The following EPC2 variants were observed in gnomAD, a reference collection of about 807,000 sequenced individuals.
The protein encoded by EPC2 is enhancer of polycomb 2, also known as enhancer of polycomb homolog 2.
EPC2 carries 14 observed loss-of-function variants against 92.1 expected under a neutral mutation model. The ratio of observed to expected loss-of-function variants is 0.15; its 90% CI spans 0.10 to 0.24. The LOEUF (loss-of-function observed/expected upper bound fraction) is 0.24. Ranked by LOEUF, EPC2 falls within the 10% of genes least tolerant of loss-of-function variation. EPC2 has a pLI of 1.00. For synonymous variants in EPC2, 340 were observed against 334.7 expected (o/e 1.02, Z -0.17); for missense variants, 755 against 971.5 (o/e 0.78, Z 2.96).
chr2:148,734,201 T>C (rs1405743846), intron 2 of EPC2, among the ~76,000 whole-genome samples: 2 of 152,194 alleles, frequency 1.3e-5, no homozygotes, highest in Non-Finnish European at 2.9e-5. Context: ...TTTTTTTTTC[T>C]ATGAATTAAT....
chr2:148,705,844 G>C lies in EPC2; in HGVS notation c.313+15471G>C, dbSNP rs908573935. On this transcript the variant is annotated intron_variant, in intron 2 of 13. Transcript: ENST00000258484. ...CATCCACACCAAAACCTCATCTGTA[G>C]GTCACCATCATCAAAGACCAAAGGT... Among the ~76,000 whole-genome samples the C allele has an allele frequency of 7.9e-5, 12 of 152,206 alleles. No individual in the cohort carries two copies. The South Asian group carries it at 1.2e-3, about 16-fold the overall frequency.
At chr2:148,786,109 A>T (rs554763436) in intron 13 of EPC2, among the ~76,000 whole-genome samples, 196 bp from the exon 14 acceptor site, 1 of 152,360 alleles carries the variant, frequency 6.6e-6, no homozygotes, top group South Asian at 2.1e-4. Context: ...TAATAAAAAA[A>T]TTAGGAATTA....
chr2:148,775,076 G>A (rs1473505320), intron 10 of EPC2, among the ~76,000 whole-genome samples: 3 of 132,646 alleles, frequency 2.3e-5, no homozygotes, highest in South Asian at 5.2e-4. Flanking sequence ...GCAGCAGAGC[G>A]AGACTCCCTC....
intron 4 of EPC2, among the ~76,000 whole-genome samples, chr2:148,760,635 TGAA>T (rs1417212415): frequency 6.6e-6 from 1 of 152,178 alleles, no homozygotes; most frequent in Non-Finnish European, 1.5e-5. Context: ...GTCATAGTAA[TGAA>T]GAAGAAAAAG....
At chr2:148,678,256 C>A (rs955556202) in intron 1 of EPC2, among the ~76,000 whole-genome samples, 1 of 152,162 alleles carries the variant, frequency 6.6e-6, no homozygotes, top group African/African-American at 2.4e-5. Flanking sequence ...ATACAGAGTG[C>A]CGATTGGTGT....
At chr2:148,696,966 A>T (rs1681760086) in intron 2 of EPC2, among the ~76,000 whole-genome samples, 1 of 152,260 alleles carries the variant, frequency 6.6e-6, no homozygotes, top group African/African-American at 2.4e-5. Context: ...AGTTATGGGT[A>T]AAAGATAGTA....
At chr2:148,780,446 A>C (rs1490223981) in intron 10 of EPC2, among the ~76,000 whole-genome samples, 1 of 152,168 alleles carries the variant, frequency 6.6e-6, no homozygotes, top group Non-Finnish European at 1.5e-5. Flanking sequence ...GATCCTATTC[A>C]ACAGAAAACT....
intron 1 of EPC2, among the ~76,000 whole-genome samples, chr2:148,674,640 AG>A (rs1485297248): frequency 6.6e-6 from 1 of 152,198 alleles, no homozygotes; most frequent in Non-Finnish European, 1.5e-5. Flanking sequence ...TGTTGGACAT[AG>A]GTTTCACTCT....
intron 8 of EPC2, 28 bp downstream of exon 8, chr2:148,769,268 T>G (rs756725337): frequency 6.6e-7 from 1 of 1,517,080 alleles, no homozygotes; most frequent in Non-Finnish European, 9.1e-7. Flanking sequence ...TGTGTGGTGT[T>G]TTTGTGAACT....
intron 1 of EPC2, among the ~76,000 whole-genome samples, chr2:148,680,209 T>C (rs1215409958): frequency 1.3e-5 from 2 of 152,000 alleles, no homozygotes; most frequent in Non-Finnish European, 2.9e-5. Context: ...TAAAAGTCAA[T>C]AGTTTAGATT....
intron 1 of EPC2, among the ~76,000 whole-genome samples, chr2:148,650,705 A>G (rs1236044236): frequency 1.3e-5 from 2 of 152,148 alleles, no homozygotes; most frequent in Admixed American, 6.5e-5. Context: ...CCTTTTCAGA[A>G]TTACTATTGG....
intron 2 of EPC2, among the ~76,000 whole-genome samples, chr2:148,697,707 CACAT>C (rs566606344): frequency 2.0e-5 from 3 of 152,254 alleles, no homozygotes; most frequent in Non-Finnish European, 2.9e-5. Context: ...TCCATTCAAA[CACAT>C]GCATGCATGT....
chr2:148,716,069 A>AT lies in EPC2; in HGVS notation c.313+25700dup, dbSNP rs550976148. ...GAAGGCCAACAATTTTTGAACATTG[A>AT]TTTTCTATCATGAGACTTGCTGAAG... On this transcript the variant is annotated intron_variant, in intron 2 of 13. Coordinates refer to ENST00000258484, the MANE Select transcript of EPC2 (RefSeq NM_015630.4). Among the ~76,000 whole-genome samples the AT allele has an allele frequency of 4.3e-4, 66 of 152,230 alleles. No homozygotes were observed. The East Asian group carries it at 0.013, about 29-fold the overall frequency.
chr2:148,671,311 G>A (rs1361158458), intron 1 of EPC2, among the ~76,000 whole-genome samples: 22 of 100,898 alleles, frequency 2.2e-4, no homozygotes, highest in Non-Finnish European at 1.9e-5. Context: ...TTTTTTTGTA[G>A]CATTAAAAAG....
At chr2:148,733,928 G>A (rs1252284737) in intron 2 of EPC2, among the ~76,000 whole-genome samples, 1 of 151,988 alleles carries the variant, frequency 6.6e-6, no homozygotes, top group African/African-American at 2.4e-5. Flanking sequence ...CCATTCCTTG[G>A]GCTAGACTGT....
intron 2 of EPC2, among the ~76,000 whole-genome samples, chr2:148,693,541 A>G (rs922935449): frequency 6.6e-6 from 1 of 152,184 alleles, no homozygotes; most frequent in African/African-American, 2.4e-5. Flanking sequence ...TATGACACCA[A>G]CCTTATTGAA....
intron 1 of EPC2, among the ~76,000 whole-genome samples, chr2:148,648,903 CTTA>C (rs1203501754): frequency 6.6e-6 from 1 of 152,136 alleles, no homozygotes; most frequent in Non-Finnish European, 1.5e-5. Context: ...CTTCCCTATC[CTTA>C]TTATCATTGT....
At chr2:148,648,845 C>T (rs1251172355) in intron 1 of EPC2, among the ~76,000 whole-genome samples, 2 of 152,196 alleles carry the variant, frequency 1.3e-5, no homozygotes, top group East Asian at 1.9e-4. Context: ...ATCATGTCAT[C>T]CTGTGTAGCC....
chr2:148,781,523 C>A, intron 10 of EPC2, 121 bp from the exon 11 acceptor site: 1 of 917,790 alleles, frequency 1.1e-6, no homozygotes, highest in Non-Finnish European at 1.6e-6. Flanking sequence ...TTCTGATATT[C>A]CATATTGTAA....
Sources: allele counts gnomAD v4.1 joint callset (sites outside exome capture counted in the v4.1 genomes callset), GRCh38; gene constraint gnomAD v4.1.1; transcripts MANE v1.5; gene names NCBI Gene and HGNC (gene_info 2026-07-23, HGNC 2026-07-21).